Variants in DOC2B observed in about 807,000 individuals in gnomAD.
The protein encoded by DOC2B is double C2 domain beta.
In DOC2B, 21 loss-of-function variants were observed where a neutral mutation model predicts 28.9. That is an observed-to-expected ratio of 0.73 (90% CI 0.52 to 1.05). The LOEUF (loss-of-function observed/expected upper bound fraction) is 1.05, where lower values mean the gene tolerates loss of function less well. DOC2B is among the 50% of genes least tolerant of loss of function. The pLI, the probability that DOC2B is intolerant of heterozygous loss-of-function variation, is 0.00. For missense variants in DOC2B, 384 were observed against 421.1 expected, an observed-to-expected ratio of 0.91 and a Z score of 0.77; for synonymous variants, 194 against 178.1, an observed-to-expected ratio of 1.09 and a Z score of -0.71.
intron 5 of DOC2B, among the ~76,000 whole-genome samples, chr17:159,477 A>G (rs2040174341): frequency 6.6e-6 from 1 of 152,212 alleles, no homozygotes; most frequent in Admixed American, 6.5e-5. Context: ...TACAAAAATT[A>G]ACCAGGCGTG....
At position 180,816 on chromosome 17, in the gene DOC2B, G is replaced by C. The variant is rs1050318230; in HGVS notation, c.373+291C>G. Among the ~76,000 whole-genome samples, 3 of 151,988 alleles carry C rather than the reference G, an allele frequency of 2.0e-5. No individual in the cohort carries two copies. The East Asian group carries it at 5.9e-4, about 30-fold the overall frequency. On this transcript the variant is annotated intron_variant, in intron 1 of 8. Transcript: ENST00000613549. ...CTCCGGGAGGGCGGGCTGGCAGGGAGGGGGCGCGGCGCCGGCTCCGAGGAA... is the reference window on the plus strand; with the variant it reads ...CTCCGGGAGGGCGGGCTGGCAGGGACGGGGCGCGGCGCCGGCTCCGAGGAA...
At chr17:173,883 C>A (rs183303960) in intron 1 of DOC2B, among the ~76,000 whole-genome samples, 1 of 152,344 alleles carries the variant, frequency 6.6e-6, no homozygotes, top group East Asian at 1.9e-4. Flanking sequence ...CAACCTGGAT[C>A]TAGATCCAAT....
At chr17:156,056 T>A in intron 6 of DOC2B, 164 bp downstream of exon 6, 1 of 730,818 alleles carries the variant, frequency 1.4e-6, no homozygotes, top group Non-Finnish European at 2.2e-6. Context: ...GGGCTGGCCA[T>A]GCTTAACCCC....
In DOC2B at chr17:144,186, G is replaced by A. The variant is rs2040003812; in HGVS notation, c.*3255C>T. 1 of 152,682 alleles carries A rather than the reference G, an allele frequency of 6.5e-6. No homozygotes were observed. Among genetic ancestry groups the A allele is most frequent in the African/African-American group, 2.4e-5 (1 of 41,386 alleles). 9.5% of individuals were successfully genotyped at this position (152,682 alleles called of 1,614,324 possible). On this transcript the variant is annotated 3_prime_UTR_variant, in exon 9 of 9. Coordinates refer to ENST00000613549, the MANE Select transcript of DOC2B (RefSeq NM_003585.5). ...GCATCAGATTTCCTGTCTTTGTGGGGATGATGGACCCGAGTAAAGATGCCC... is the reference window on the plus strand; with the variant it reads ...GCATCAGATTTCCTGTCTTTGTGGGAATGATGGACCCGAGTAAAGATGCCC...
chr17:153,801 C>A (rs984992170), intron 6 of DOC2B, among the ~76,000 whole-genome samples: 158 of 151,926 alleles, frequency 1.0e-3, no homozygotes, highest in Non-Finnish European at 2.0e-3. Flanking sequence ...GAAGAAAAAA[C>A]ATATATATAC....
At chr17:156,113 T>A (rs1256575309) in intron 6 of DOC2B, 107 bp downstream of exon 6, 3 of 1,294,986 alleles carry the variant, frequency 2.3e-6, no homozygotes, top group Non-Finnish European at 3.1e-6. Flanking sequence ...CCCCTGTACC[T>A]CAGGCACTCC....
intron 5 of DOC2B, among the ~76,000 whole-genome samples, chr17:159,923 T>G (rs1190245336): frequency 6.7e-6 from 1 of 149,710 alleles, no homozygotes; most frequent in Non-Finnish European, 1.5e-5. Context: ...CCCACGTGGT[T>G]GTTTGTTTAT....
chr17:158,761 G>A (rs145836038), intron 5 of DOC2B, among the ~76,000 whole-genome samples: 3 of 152,164 alleles, frequency 2.0e-5, no homozygotes, highest in African/African-American at 7.2e-5. Flanking sequence ...TAAACTAGCA[G>A]GGGCCAGGCA....
At chr17:180,976 C>A in intron 1 of DOC2B, 131 bp downstream of exon 1, 3 of 780,336 alleles carry the variant, frequency 3.8e-6, no homozygotes, top group Non-Finnish European at 5.1e-6. Context: ...CCCGCAAGCC[C>A]GCGGCGGGGT....
At chr17:151,142 A>C (rs1012171594) in intron 6 of DOC2B, among the ~76,000 whole-genome samples, 5 of 152,152 alleles carry the variant, frequency 3.3e-5, no homozygotes, top group Non-Finnish European at 7.3e-5. Context: ...ATGGTGGTGC[A>C]TGCCTGTAGT....
chr17:169,125 T>C (rs1252674274), intron 2 of DOC2B, among the ~76,000 whole-genome samples: 3 of 152,114 alleles, frequency 2.0e-5, no homozygotes, highest in Non-Finnish European at 4.4e-5. Context: ...AGGAGCTTTC[T>C]AGTCTGAAGT....
In DOC2B at chr17:181,113, C is replaced by G. The variant is rs994577978; in HGVS notation, c.367G>C (p.Asp123His). 2.6e-5 allele frequency: 33 copies of G among 1,249,842 alleles called. No homozygotes were observed. The highest frequency in any genetic ancestry group is 4.3e-5 in the Admixed American group (1 of 23,462). 77.4% of individuals were successfully genotyped at this position (1,249,842 alleles called of 1,614,324 possible). The change falls in exon 1 of 9, where the codon GAC becomes CAC. Residue 123 changes from aspartate to histidine, a missense_variant. Coordinates refer to ENST00000613549, the MANE Select transcript of DOC2B (RefSeq NM_003585.5). This position sits in a 1 kb window ranked among gnomAD's most constrained non-coding sequence, Gnocchi z 7.0. ...EPDADGYESD[D>H]CTALGTLDFS... ...CGGCGCGTGGGAAACTTACTGCAGT[C>G]GTCCGACTCGTAGCCGTCGGCGTCC...
At chr17:165,014 G>T (rs1175111275) in intron 2 of DOC2B, among the ~76,000 whole-genome samples, 1 of 152,116 alleles carries the variant, frequency 6.6e-6, no homozygotes, top group Non-Finnish European at 1.5e-5. Flanking sequence ...GGGAGGCTGG[G>T]GCTCCCTCCC....
intron 1 of DOC2B, among the ~76,000 whole-genome samples, chr17:178,318 G>A (rs1399817465): frequency 1.3e-5 from 2 of 152,270 alleles, no homozygotes; most frequent in African/African-American, 4.8e-5. Context: ...CTGAGGGGCT[G>A]CTGCATTGGT....
At chr17:153,071 G>A (rs2040089766) in intron 6 of DOC2B, among the ~76,000 whole-genome samples, 1 of 152,168 alleles carries the variant, frequency 6.6e-6, no homozygotes, top group African/African-American at 2.4e-5. Flanking sequence ...TCTCACCCAG[G>A]GTGTCTGAAA....
chr17:156,467 G>C (rs1031201297), intron 5 of DOC2B, 90 bp from the exon 6 acceptor site: 1 of 1,442,866 alleles, frequency 6.9e-7, no homozygotes, highest in Non-Finnish European at 9.4e-7. Flanking sequence ...CGCCCATCCG[G>C]CTGCTGCAGC....
At chr17:174,483 T>C (rs1390536143) in intron 1 of DOC2B, among the ~76,000 whole-genome samples, 3 of 152,302 alleles carry the variant, frequency 2.0e-5, no homozygotes, top group East Asian at 1.9e-4. Context: ...CTGTCCTCAA[T>C]TGGCTCATTT....
rs1401620338 is a variant in DOC2B, at chr17:159,351, C to T, written c.765+2064G>A. ...ACTAAAAATACCAAAATTAGCCAGG[C>T]GTGGTGGCGCACACCTGTAATCCCA... On this transcript the variant is annotated intron_variant, in intron 5 of 8. Transcript: ENST00000613549. Among the ~76,000 whole-genome samples the T allele has an allele frequency of 2.6e-5, 4 of 151,762 alleles. No homozygotes were observed. In the East Asian group the frequency reaches 5.9e-4, roughly 22 times the overall value.
chr17:164,000 GGA>G (rs1555523595), intron 3 of DOC2B, 128 bp downstream of exon 3: 1 of 675,642 alleles, frequency 1.5e-6, no homozygotes, highest in Non-Finnish European at 2.6e-6. Context: ...GACTCTGAGG[GGA>G]GTGGCAGCTG....
Sources: allele counts gnomAD v4.1 joint callset (sites outside exome capture counted in the v4.1 genomes callset), GRCh38; gene constraint gnomAD v4.1.1; non-coding constraint Gnocchi (gnomAD v3.1); transcripts MANE v1.5; gene names NCBI Gene and HGNC (gene_info 2026-07-23, HGNC 2026-07-21).